CLSTN2: variants seen among roughly 807,000 people sequenced by gnomAD.
CLSTN2 encodes calsyntenin-2.
A neutral mutation model predicts 101.2 loss-of-function variants in CLSTN2; 48 were observed. That is an observed-to-expected ratio of 0.47 (90% confidence interval 0.38 to 0.60). The LOEUF is 0.60. Ranked by LOEUF, CLSTN2 falls within the 20% of genes least tolerant of loss-of-function variation. CLSTN2 has a pLI of 0.00. For missense variants in CLSTN2, 1,160 were observed against 1,238.2 expected (o/e 0.94, Z 0.95); for synonymous variants, 481 against 463.6 (o/e 1.04, Z -0.48).
intron 2 of CLSTN2, among the ~76,000 whole-genome samples, chr3:140,368,142 G>C (rs1320034755): frequency 6.6e-6 from 1 of 152,196 alleles, no homozygotes; most frequent in African/African-American, 2.4e-5. Context: ...GGATGCCTAA[G>C]TTAGCCTGAG....
At chr3:140,519,418 GTCTCTCGCTATTATTGTTAAAA>G (rs1026609389) in intron 8 of CLSTN2, among the ~76,000 whole-genome samples, 3 of 152,266 alleles carry the variant, frequency 2.0e-5, no homozygotes, top group South Asian at 2.1e-4. Context: ...GTTGGTTAAA[GTCTCTCGCTATTATTGTTAAAA>G]TCTCTCGCTA....
intron 2 of CLSTN2, among the ~76,000 whole-genome samples, chr3:140,227,984 A>C (rs567558990): frequency 1.3e-5 from 2 of 152,298 alleles, no homozygotes; most frequent in East Asian, 3.9e-4. Context: ...AGGGGCTGCC[A>C]CAAATGTCTC....
At chr3:140,193,976 C>T (rs1245296092) in intron 2 of CLSTN2, among the ~76,000 whole-genome samples, 1 of 151,966 alleles carries the variant, frequency 6.6e-6, no homozygotes, top group African/African-American at 2.4e-5. Context: ...CCATTTGGTT[C>T]TTTATATTTT....
intron 4 of CLSTN2, among the ~76,000 whole-genome samples, chr3:140,420,743 T>C (rs933225693): frequency 3.2e-4 from 48 of 152,358 alleles, no homozygotes; most frequent in African/African-American, 8.9e-4. Flanking sequence ...TCCATCTTTT[T>C]CCCAGAGATA....
At chr3:140,338,393 G>C (rs1164749521) in intron 2 of CLSTN2, among the ~76,000 whole-genome samples, 2 of 152,152 alleles carry the variant, frequency 1.3e-5, no homozygotes, top group Admixed American at 6.5e-5. Flanking sequence ...CACCACAAGG[G>C]CTTCTGTAAG....
chr3:140,258,980 G>A (rs2086626553), intron 2 of CLSTN2, among the ~76,000 whole-genome samples: 1 of 152,138 alleles, frequency 6.6e-6, no homozygotes, highest in Non-Finnish European at 1.5e-5. Flanking sequence ...CTGCTTATGT[G>A]GAGCAGACAC....
chr3:140,493,621 A>G (rs373402812), intron 8 of CLSTN2, among the ~76,000 whole-genome samples: 2 of 152,228 alleles, frequency 1.3e-5, no homozygotes, highest in Non-Finnish European at 2.9e-5. Context: ...GGGCTGGACA[A>G]CATAACCAGG....
Position 140,227,485 on chromosome 3 carries a change from G to C in CLSTN2, c.232+51412G>C, listed in dbSNP as rs118044510. Among the ~76,000 whole-genome samples, 190 of 152,266 alleles carry C rather than the reference G, an allele frequency of 1.2e-3. 7 individuals carry two copies. The East Asian group carries it at 0.035, about 28-fold the overall frequency. On this transcript the variant is annotated intron_variant, in intron 2 of 16. Coordinates refer to ENST00000458420, the MANE Select transcript of CLSTN2 (RefSeq NM_022131.3). ...TCCTCATGGGCTGGCATTGAGTGTT[G>C]GTGGCTTTTCCAGGTGCACAGTGCA...
intron 2 of CLSTN2, among the ~76,000 whole-genome samples, chr3:140,359,432 G>A (rs942614416): frequency 1.3e-5 from 2 of 152,142 alleles, no homozygotes; most frequent in African/African-American, 2.4e-5. Flanking sequence ...GTTAGCCAGG[G>A]CTGCACTGAT....
chr3:140,182,444 T>G (rs1260637800), intron 2 of CLSTN2, among the ~76,000 whole-genome samples: 1 of 152,156 alleles, frequency 6.6e-6, no homozygotes, highest in Non-Finnish European at 1.5e-5. Flanking sequence ...TTCAGGATCA[T>G]GGGCACAGGA....
chr3:140,539,707 C>A (rs1576618324), intron 9 of CLSTN2, among the ~76,000 whole-genome samples: 1 of 152,302 alleles, frequency 6.6e-6, no homozygotes, highest in East Asian at 1.9e-4. Context: ...CATGTGTTCT[C>A]ACTTAGTCCT....
At chr3:140,087,899 A>C (rs1266227849) in intron 1 of CLSTN2, among the ~76,000 whole-genome samples, 1 of 152,140 alleles carries the variant, frequency 6.6e-6, no homozygotes, top group East Asian at 1.9e-4. Context: ...AAACTTCAAA[A>C]TGTTGGCATG....
chr3:140,389,597 C>T (rs1247757027), intron 2 of CLSTN2, among the ~76,000 whole-genome samples: 1 of 152,192 alleles, frequency 6.6e-6, no homozygotes. Flanking sequence ...TGAACATACA[C>T]ATGCCTGTGT....
rs573149313 is a variant in CLSTN2, at chr3:140,074,546, C to T, written c.110-101405C>T. ...TTGCCCAAATTGGTACATTATACTA[C>T]GTTAACAGAGGTGTAAAAATAATAA... On this transcript the variant is annotated intron_variant, in intron 1 of 16. Coordinates refer to ENST00000458420, the MANE Select transcript of CLSTN2 (RefSeq NM_022131.3). 6.2e-4 allele frequency among the ~76,000 whole-genome samples: 94 copies of T among 152,250 alleles called. 1 individual carries two copies. The highest frequency in any genetic ancestry group is 2.2e-3 in the African/African-American group (92 of 41,540).
At chr3:140,156,221 A>G (rs997837216) in intron 1 of CLSTN2, among the ~76,000 whole-genome samples, 2 of 152,174 alleles carry the variant, frequency 1.3e-5, no homozygotes, top group African/African-American at 4.8e-5. Context: ...GTTCAGGGTC[A>G]GTGGGATTGA....
chr3:140,539,067 G>C (rs529158695), intron 9 of CLSTN2, among the ~76,000 whole-genome samples: 44 of 152,320 alleles, frequency 2.9e-4, no homozygotes, highest in African/African-American at 1.1e-3. Context: ...TTTGCAGGGG[G>C]CAAGGGCTAG....
At chr3:140,563,746 C>T (rs963762461) in intron 15 of CLSTN2, among the ~76,000 whole-genome samples, 1 of 152,136 alleles carries the variant, frequency 6.6e-6, no homozygotes, top group African/African-American at 2.4e-5. Context: ...ATTTAATTTA[C>T]ACCTAACTAT....
Position 140,568,161 on chromosome 3 carries a change from A to G in CLSTN2, c.*1908A>G, listed in dbSNP as rs1207979471. The G allele has an allele frequency of 6.6e-6, 1 of 152,252 alleles. No individual in the cohort carries two copies. The highest frequency in any genetic ancestry group is 1.5e-5 in the Non-Finnish European group (1 of 68,056). 9.4% of individuals were successfully genotyped at this position (152,252 alleles called of 1,614,324 possible). On this transcript the variant is annotated 3_prime_UTR_variant, in exon 17 of 17. Transcript: ENST00000458420. The stretch of plus-strand genomic sequence containing the variant: ...CTGGTGCAGGATTCTACTTATGTTC[A>G]TAGGTATGCACCTAACAGACACTGC...
intron 8 of CLSTN2, among the ~76,000 whole-genome samples, chr3:140,484,987 G>A (rs1463280006): frequency 6.6e-6 from 1 of 152,164 alleles, no homozygotes; most frequent in Non-Finnish European, 1.5e-5. Context: ...GTCCAGCTTT[G>A]TTCCATTGCT....
Sources: allele counts gnomAD v4.1 joint callset (sites outside exome capture counted in the v4.1 genomes callset), GRCh38; gene constraint gnomAD v4.1.1; transcripts MANE v1.5; gene names NCBI Gene and HGNC (gene_info 2026-07-23, HGNC 2026-07-21).